The following GTF3C4 variants were observed in gnomAD, a reference collection of about 807,000 sequenced individuals.
The protein encoded by GTF3C4 is general transcription factor IIIC subunit 4.
GTF3C4 carries 28 observed loss-of-function variants against 67.5 expected under a neutral mutation model. The observed-to-expected ratio is 0.41, with a 90% CI of 0.31 to 0.57. The LOEUF is 0.57. GTF3C4 is among the 20% of genes least tolerant of loss of function. GTF3C4 has a pLI of 0.21. For synonymous variants in GTF3C4, 409 were observed against 393.0 expected, an observed-to-expected ratio of 1.04 and a Z score of -0.48; for missense variants, 831 against 1,033.2, an observed-to-expected ratio of 0.80 and a Z score of 2.68.
intron 3 of GTF3C4, among the ~76,000 whole-genome samples, chr9:132,684,881 T>C (rs1380060421): frequency 6.6e-6 from 1 of 152,198 alleles, no homozygotes; most frequent in Admixed American, 6.5e-5. Context: ...CCTTAATAAT[T>C]ATCACTATTT....
intron 1 of GTF3C4, among the ~76,000 whole-genome samples, chr9:132,672,158 A>G (rs565453727): frequency 1.3e-5 from 2 of 152,360 alleles, no homozygotes; most frequent in South Asian, 4.1e-4. Flanking sequence ...ATGCAACCCT[A>G]TGAAATTGAG....
At chr9:132,681,695 G>A (rs1297687669) in intron 2 of GTF3C4, among the ~76,000 whole-genome samples, 1 of 152,056 alleles carries the variant, frequency 6.6e-6, no homozygotes, top group Non-Finnish European at 1.5e-5. Flanking sequence ...TTTGTCCCAA[G>A]AACTAATATT....
Position 132,679,905 on chromosome 9 carries a change from C to A in GTF3C4, c.2184+102C>A. 9.1e-7 allele frequency: 1 copy of A among 1,097,690 alleles called. No individual in the cohort carries two copies. The allele number at this position is 1,097,690 out of a possible 1,614,324, so 68.0% of individuals were successfully genotyped here. A position where few individuals can be genotyped will look rare whatever the true frequency, so the allele number is the denominator to read the frequency against. The stretch of plus-strand genomic sequence containing the variant: ...TCCTGAAGCTCAACTTTTGCTTTGA[C>A]ATTTTTTAGGTAATTTATTTGCTTG... On this transcript the variant is annotated intron_variant, in intron 2 of 4. Transcript: ENST00000372146. The surrounding 1 kb of genome is among the most constrained non-coding windows in gnomAD (Gnocchi z 5.9).
Position 132,679,496 on chromosome 9 carries a change from C to T in GTF3C4, c.1877C>T (p.Thr626Ile). The T allele has an allele frequency of 3.7e-6, 6 of 1,614,120 alleles. No individual in the cohort carries two copies. Among genetic ancestry groups the T allele is most frequent in the Non-Finnish European group, 5.1e-6 (6 of 1,180,034 alleles). ...GACGATGAACAGCAGGAAGAAGGCACTTCTTCCAAACAGGTGGTGAAGCAA... is the reference window on the plus strand; with the variant it reads ...GACGATGAACAGCAGGAAGAAGGCATTTCTTCCAAACAGGTGGTGAAGCAA... ...NADDEQQEEG[T>I]SSKQVVKQGL... Residue 626 changes from threonine to isoleucine, a missense_variant, in exon 2 of 5, where the codon ACT becomes ATT. Physicochemically the swap from Thr to Ile is moderately conservative, Grantham distance 89. Around this residue, in one of 4 missense-constraint regions of GTF3C4, gnomAD observed 75 missense variants for 66.4 expected, o/e 1.13. Transcript: ENST00000372146. This position sits in a 1 kb window ranked among gnomAD's most constrained non-coding sequence, Gnocchi z 5.9.
Position 132,688,883 on chromosome 9 carries a change from C to T in GTF3C4, c.2407C>T (p.Pro803Ser), listed in dbSNP as rs1431515716. The T allele has an allele frequency of 6.2e-7, 1 of 1,610,262 alleles. No individual in the cohort carries two copies. The highest frequency in any genetic ancestry group is 8.5e-7 in the Non-Finnish European group (1 of 1,176,512). The change falls in exon 5 of 5, where the codon CCC becomes TCC. Residue 803 changes from proline (P) to serine (S), a missense_variant and splice_region_variant. By Grantham distance (74) the Pro-to-Ser change is moderately conservative (BLOSUM62 -1). This residue lies in a region of GTF3C4 where 129 missense variants were observed against 213.8 expected (regional missense o/e 0.60). Coordinates refer to ENST00000372146, the MANE Select transcript of GTF3C4 (RefSeq NM_012204.4). ...SIARHPAPED[P>S]DWIKRLLQSP... ...TACCACTTGTCCTCCTTTTGCAGAT[C>T]CCGACTGGATTAAGAGGTTACTGCA...
At chr9:132,682,793 CG>C (rs1246423069) in intron 2 of GTF3C4, among the ~76,000 whole-genome samples, 5 of 151,832 alleles carry the variant, frequency 3.3e-5, no homozygotes, top group Admixed American at 2.6e-4. Context: ...TTAGTAGAGA[CG>C]GGGTTTCACC....
At chr9:132,683,179 A>G (rs1835974750) in intron 2 of GTF3C4, among the ~76,000 whole-genome samples, 1 of 152,230 alleles carries the variant, frequency 6.6e-6, no homozygotes, top group Non-Finnish European at 1.5e-5. Context: ...TCTTAAAGTC[A>G]AAACATTATA....
At chr9:132,670,299 T>C (rs750208736), upstream of GTF3C4, 21 of 1,503,422 alleles carry the variant, frequency 1.4e-5, 1 homozygote, top group Middle Eastern at 5.5e-4. Context: ...CTCAGCACTT[T>C]AGGAACTAAA....
Position 132,694,722 on chromosome 9 carries a change from T to C in GTF3C4, c.*5777T>C, listed in dbSNP as rs1226018696. 1.3e-5 allele frequency: 2 copies of C among 152,186 alleles called. No individual in the cohort carries two copies. The highest frequency in any genetic ancestry group is 2.9e-5 in the Non-Finnish European group (2 of 68,030). 9.4% of individuals were successfully genotyped at this position (152,186 alleles called of 1,614,324 possible). On this transcript the variant is annotated 3_prime_UTR_variant, in exon 5 of 5. Transcript: ENST00000372146. ...AGTCGCTGGTTGGCCATTTCTCCAA[T>C]TGATGAACTACCATTGGTTTTAGCT...
chr9:132,673,437 A>G (rs749807889), intron 1 of GTF3C4, among the ~76,000 whole-genome samples: 2 of 151,824 alleles, frequency 1.3e-5, no homozygotes, highest in African/African-American at 4.8e-5. Context: ...TAATATGCAC[A>G]TCACATAAAC....
chr9:132,678,020 C>T lies in GTF3C4; in HGVS notation c.401C>T (p.Ala134Val), dbSNP rs757337001. ...GTTGCTGAGTGCAAGGAGAAATTCG[C>T]CGCCTCCAAGGACCCCACGGTCAGT... is the stretch of plus-strand genomic sequence containing the variant. ...TEVAECKEKF[A>V]ASKDPTVSQT... Residue 134 changes from alanine (A) to valine (V), a missense_variant, in exon 2 of 5, where the codon GCC (alanine) becomes GTC (valine). Physicochemically the swap from Ala to Val is moderately conservative, Grantham distance 64. This residue lies in a region of GTF3C4 where 237 missense variants were observed against 212.7 expected (regional missense o/e 1.11). Transcript: ENST00000372146. This position sits in a 1 kb window ranked among gnomAD's most constrained non-coding sequence, Gnocchi z 6.5. 10 of 1,611,906 alleles carry T rather than the reference C, an allele frequency of 6.2e-6. No individual in the cohort carries two copies. The highest frequency in any genetic ancestry group is 1.1e-5 in the South Asian group (1 of 90,638).
chr9:132,679,138 A>G lies in GTF3C4; in HGVS notation c.1519A>G (p.Asn507Asp). The G allele has an allele frequency of 6.2e-7, 1 of 1,614,140 alleles. No individual in the cohort carries two copies. Among genetic ancestry groups the G allele is most frequent in the Middle Eastern group, 1.6e-4 (1 of 6,062 alleles). ...CAACGGCCTCCACCCTGTTAACAAA[A>G]ACTACCAGGTCCAATTTGTTACTCT... The part of the protein sequence containing the change: ...MINGLHPVNK[N>D]YQVQFVTLKT... The change falls in exon 2 of 5, where the codon AAC becomes GAC. Residue 507 changes from asparagine (N) to aspartate (D), a missense_variant. Asn to Asp is a conservative substitution (Grantham distance 23). Transcript: ENST00000372146. This position sits in a 1 kb window ranked among gnomAD's most constrained non-coding sequence, Gnocchi z 5.9.
chr9:132,687,351 AGGGT>A (rs763668003), intron 4 of GTF3C4, 24 bp downstream of exon 4: 18 of 49,432 alleles, frequency 3.6e-4, no homozygotes, highest in Admixed American at 5.9e-4. Flanking sequence ...CTTACTTGGG[AGGGT>A]GGGTGGGTGG....
At chr9:132,688,848 T>C (rs752017713) in intron 4 of GTF3C4, 33 bp from the exon 5 acceptor site, 1 of 1,531,712 alleles carries the variant, frequency 6.5e-7, no homozygotes, top group Non-Finnish European at 9.1e-7. Context: ...TTTCCGAAGC[T>C]AACAGTTGAT....
In GTF3C4 at chr9:132,691,456, G is replaced by A. The variant is rs1210590285; in HGVS notation, c.*2511G>A. ...AGCTGTGACCGTAATAACTGTTTCA[G>A]GAACTGGAGAAATAGTGGAAGTGCT... On this transcript the variant is annotated 3_prime_UTR_variant, in exon 5 of 5. Coordinates refer to ENST00000372146, the MANE Select transcript of GTF3C4 (RefSeq NM_012204.4). 1 of 152,192 alleles carries A rather than the reference G, an allele frequency of 6.6e-6. No individual in the cohort carries two copies. Among genetic ancestry groups the A allele is most frequent in the Non-Finnish European group, 1.5e-5 (1 of 68,046 alleles). The allele number at this position is 152,192 out of a possible 1,614,324, so 9.4% of individuals were successfully genotyped here. A position where few individuals can be genotyped will look rare whatever the true frequency, so the allele number is the denominator to read the frequency against.
At chr9:132,672,559 C>G (rs994455524) in intron 1 of GTF3C4, among the ~76,000 whole-genome samples, 4 of 152,128 alleles carry the variant, frequency 2.6e-5, no homozygotes, top group Admixed American at 1.3e-4. Context: ...AGTAGGTCTT[C>G]TAGAGAGTCC....
intron 1 of GTF3C4, among the ~76,000 whole-genome samples, chr9:132,676,303 T>C (rs963274423): frequency 1.3e-5 from 2 of 149,132 alleles, no homozygotes; most frequent in Non-Finnish European, 3.0e-5. Context: ...GTTTTTGTTA[T>C]TTATGTACCA....
At chr9:132,673,368 A>T (rs1235376973) in intron 1 of GTF3C4, among the ~76,000 whole-genome samples, 2 of 152,040 alleles carry the variant, frequency 1.3e-5, no homozygotes, top group African/African-American at 4.8e-5. Flanking sequence ...ATAGTTGACA[A>T]ATGGCTTCTA....
rs187775661 is a variant in GTF3C4 at position 132,690,989 on chromosome 9, A to G, written c.*2044A>G. On this transcript the variant is annotated 3_prime_UTR_variant, in exon 5 of 5. Coordinates refer to ENST00000372146, the MANE Select transcript of GTF3C4 (RefSeq NM_012204.4). ...TTGAGAAAATGTATTGGGAGTAACTAGAGAGGATCTCCCAAATTTTTTTGT... is the reference window on the plus strand; with the variant it reads ...TTGAGAAAATGTATTGGGAGTAACTGGAGAGGATCTCCCAAATTTTTTTGT... The G allele has an allele frequency of 1.3e-5, 2 of 152,338 alleles. No homozygotes were observed. Among genetic ancestry groups the G allele is most frequent in the Admixed American group, 6.5e-5 (1 of 15,304 alleles). 9.4% of individuals were successfully genotyped at this position (152,338 alleles called of 1,614,324 possible). A position where few individuals can be genotyped will look rare whatever the true frequency, so the allele number is the denominator to read the frequency against.
Sources: allele counts gnomAD v4.1 joint callset (sites outside exome capture counted in the v4.1 genomes callset), GRCh38; gene constraint gnomAD v4.1.1; regional missense constraint gnomAD v4.1.1; non-coding constraint Gnocchi (gnomAD v3.1); transcripts MANE v1.5; gene names NCBI Gene and HGNC (gene_info 2026-07-23, HGNC 2026-07-21).